Variants in SPMIP11 observed in about 807,000 individuals in gnomAD.
SPMIP11 encodes sperm microtubule inner protein 11.
the SPMIP11 span, among the ~76,000 whole-genome samples, chr12:48,740,078 G>GTGA: frequency 3.3e-5 from 5 of 152,060 alleles, no homozygotes; most frequent in South Asian, 2.1e-4. Flanking sequence ...TAATATCATT[G>GTGA]TGATGATGAT....
chr12:48,732,777 A>T, the SPMIP11 span, among the ~76,000 whole-genome samples: 2 of 127,054 alleles, frequency 1.6e-5, no homozygotes, highest in African/African-American at 5.9e-5. Context: ...TCTGAAAAAA[A>T]AAAAAGAAAG....
the SPMIP11 span, among the ~76,000 whole-genome samples, chr12:48,739,802 C>G: frequency 6.6e-6 from 1 of 152,332 alleles, no homozygotes. Context: ...TCCTCCAACA[C>G]TGGAGATTAC....
chr12:48,759,243 C>T, the SPMIP11 span: 2 of 702,988 alleles, frequency 2.8e-6, no homozygotes, highest in East Asian at 2.7e-5. Context: ...GGCTTCCCCC[C>T]ATTATCTCAA....
chr12:48,750,363 A>G, the SPMIP11 span, among the ~76,000 whole-genome samples: 1 of 152,198 alleles, frequency 6.6e-6, no homozygotes, highest in Admixed American at 6.5e-5. Flanking sequence ...TCTAAAAAAC[A>G]AAACAAAACA....
At chr12:48,760,420 C>T in the SPMIP11 span, among the ~76,000 whole-genome samples, 2 of 152,208 alleles carry the variant, frequency 1.3e-5, no homozygotes, top group African/African-American at 4.8e-5. Flanking sequence ...TCAAGTGATC[C>T]TCCCACCTCG....
the SPMIP11 span, among the ~76,000 whole-genome samples, chr12:48,763,680 AC>A: frequency 1.4e-4 from 20 of 147,076 alleles, no homozygotes; most frequent in African/African-American, 4.8e-4. Context: ...TAGTAAAAGT[AC>A]TTTTTTTTTT....
At chr12:48,754,554 C>T in the SPMIP11 span, among the ~76,000 whole-genome samples, 1 of 151,438 alleles carries the variant, frequency 6.6e-6, no homozygotes, top group Non-Finnish European at 1.5e-5. Context: ...GGGTTCACGC[C>T]ATTCTCCTGC....
chr12:48,730,231 A>G, the SPMIP11 span, among the ~76,000 whole-genome samples: 1 of 152,346 alleles, frequency 6.6e-6, no homozygotes, highest in South Asian at 2.1e-4. Context: ...ATTTTACTTT[A>G]TAAAAATCAG....
chr12:48,758,555 G>A, the SPMIP11 span, among the ~76,000 whole-genome samples: 1 of 152,220 alleles, frequency 6.6e-6, no homozygotes, highest in Admixed American at 6.5e-5. Flanking sequence ...GGATAAGGAA[G>A]AACTAGTCTA....
chr12:48,731,210 C>T, the SPMIP11 span, among the ~76,000 whole-genome samples: 3 of 151,448 alleles, frequency 2.0e-5, no homozygotes, highest in African/African-American at 4.9e-5. Flanking sequence ...GAATTACTCA[C>T]GGCCGGGCAC....
the SPMIP11 span, among the ~76,000 whole-genome samples, chr12:48,754,654 A>G: frequency 6.6e-6 from 1 of 151,662 alleles, no homozygotes; most frequent in Admixed American, 6.6e-5. Context: ...GTTTCACTGT[A>G]TTAGCCAGGA....
the SPMIP11 span, among the ~76,000 whole-genome samples, chr12:48,736,677 T>C: frequency 1.3e-5 from 2 of 150,622 alleles, no homozygotes; most frequent in South Asian, 2.1e-4. Context: ...CAAGGTAGTA[T>C]TCCCTGTTTC....
the SPMIP11 span, among the ~76,000 whole-genome samples, chr12:48,745,140 G>A: frequency 2.0e-5 from 3 of 151,532 alleles, no homozygotes; most frequent in Admixed American, 6.6e-5. Context: ...GCTTGGTGGC[G>A]GGCGCCTGTA....
the SPMIP11 span, chr12:48,770,759 C>G: frequency 2.5e-6 from 4 of 1,613,518 alleles, no homozygotes; most frequent in Non-Finnish European, 3.4e-6. Context: ...CAACAAAGCC[C>G]TCTTACCAAT....
At chr12:48,744,836 GAAA>G in the SPMIP11 span, among the ~76,000 whole-genome samples, 2 of 149,122 alleles carry the variant, frequency 1.3e-5, no homozygotes, top group Non-Finnish European at 3.0e-5. Flanking sequence ...GAAAGAAGAA[GAAA>G]AAAAGAAGAA....
At chr12:48,736,688 C>T in the SPMIP11 span, among the ~76,000 whole-genome samples, 3 of 145,870 alleles carry the variant, frequency 2.1e-5, no homozygotes, top group African/African-American at 7.6e-5. Flanking sequence ...TCCCTGTTTC[C>T]TGGGTCGCAT....
At chr12:48,749,892 C>T in the SPMIP11 span, among the ~76,000 whole-genome samples, 16 of 151,244 alleles carry the variant, frequency 1.1e-4, no homozygotes, top group Non-Finnish European at 1.8e-4. Context: ...GGGGTTTCAC[C>T]GTGTTAGCCA....
chr12:48,749,651 A>C, the SPMIP11 span, among the ~76,000 whole-genome samples: 27 of 149,820 alleles, frequency 1.8e-4, no homozygotes, highest in Middle Eastern at 3.5e-3. Flanking sequence ...AAAAAAAAAA[A>C]AAAAAAAAAA....
the SPMIP11 span, among the ~76,000 whole-genome samples, chr12:48,754,730 G>A: frequency 2.0e-5 from 3 of 150,794 alleles, no homozygotes; most frequent in Non-Finnish European, 4.4e-5. Flanking sequence ...GATTACAGGC[G>A]TGAGCCACCG....
Sources: gnomAD v4.1 joint callset for allele counts (sites outside exome capture counted in the v4.1 genomes callset) on GRCh38, gnomAD v4.1.1 for gene constraint, MANE v1.5 for transcripts, NCBI Gene and HGNC (gene_info 2026-07-23, HGNC 2026-07-21) for gene names.